INIP: variants seen among roughly 807,000 people sequenced by gnomAD.
INIP encodes the protein INTS3 and NABP interacting protein.
INIP carries 9 observed loss-of-function variants against 14.0 expected under a neutral mutation model. The ratio of observed to expected loss-of-function variants is 0.64; its 90% confidence interval spans 0.39 to 1.12. The LOEUF (loss-of-function observed/expected upper bound fraction) is 1.12, where lower values mean the gene tolerates loss of function less well. Ranked by LOEUF, INIP falls within the 50% of genes most tolerant of loss-of-function variation. The pLI is 0.01. For missense variants in INIP, 78 were observed against 122.7 expected (o/e 0.64, Z 1.72); for synonymous variants, 37 against 41.5 (o/e 0.89, Z 0.41).
intron 3 of INIP, among the ~76,000 whole-genome samples, chr9:112,692,373 C>T (rs1837921482): frequency 6.6e-6 from 1 of 152,178 alleles, no homozygotes; most frequent in Non-Finnish European, 1.5e-5. Flanking sequence ...CAGCCCCAAC[C>T]TCCCAGGCTC....
At chr9:112,717,138 C>G (rs1588093092) in intron 1 of INIP, among the ~76,000 whole-genome samples, 1 of 152,032 alleles carries the variant, frequency 6.6e-6, no homozygotes, top group South Asian at 2.1e-4. Flanking sequence ...GTTGTATTTA[C>G]CAAATATATC....
At chr9:112,711,220 T>A (rs1838640122) in intron 2 of INIP, among the ~76,000 whole-genome samples, 1 of 152,034 alleles carries the variant, frequency 6.6e-6, no homozygotes, top group African/African-American at 2.4e-5. Context: ...TAGATCTGAA[T>A]AAATAAGAAT....
intron 2 of INIP, among the ~76,000 whole-genome samples, chr9:112,698,087 G>A (rs1588078573): frequency 1.3e-5 from 2 of 151,994 alleles, no homozygotes; most frequent in Non-Finnish European, 2.9e-5. Flanking sequence ...GGTGGCTCAT[G>A]AGGTCAGGAG....
At chr9:112,689,467 G>T in intron 4 of INIP, 60 bp downstream of exon 4, 1 of 1,270,054 alleles carries the variant, frequency 7.9e-7, no homozygotes, top group Non-Finnish European at 1.1e-6. Context: ...ATAACTATGT[G>T]CCGGCTTCTG....
At chr9:112,715,131 C>CAT (rs751258244) in intron 2 of INIP, among the ~76,000 whole-genome samples, 1 of 110,044 alleles carries the variant, frequency 9.1e-6, no homozygotes, top group Non-Finnish European at 1.8e-5. Context: ...TACATACATA[C>CAT]ATACACACAC....
chr9:112,687,948 T>C (rs1358961534), intron 4 of INIP, among the ~76,000 whole-genome samples: 4 of 151,938 alleles, frequency 2.6e-5, no homozygotes, highest in South Asian at 2.1e-4. Flanking sequence ...TAGCCAGGCG[T>C]GGTGGCGGGT....
chr9:112,707,093 C>A (rs1838497724), intron 2 of INIP, among the ~76,000 whole-genome samples: 1 of 151,954 alleles, frequency 6.6e-6, no homozygotes, highest in Non-Finnish European at 1.5e-5. Flanking sequence ...GCATTAGCCA[C>A]CATGCCTGGC....
In INIP at chr9:112,684,121, A is replaced by G. The variant is rs1837573522; in HGVS notation, c.*3417T>C. On this transcript the variant is annotated 3_prime_UTR_variant, in exon 5 of 5. Transcript: ENST00000374242. ...TGAACACCTACTATATGCCAAATATATTTTATGTGGAATACAGTAGTGAAC... is the reference window on the plus strand; with the variant it reads ...TGAACACCTACTATATGCCAAATATGTTTTATGTGGAATACAGTAGTGAAC... 1 of 152,224 alleles carries G rather than the reference A, an allele frequency of 6.6e-6. No homozygotes were observed. The highest frequency in any genetic ancestry group is 1.5e-5 in the Non-Finnish European group (1 of 68,046). The allele number at this position is 152,224 out of a possible 1,614,324, so 9.4% of individuals were successfully genotyped here.
intron 2 of INIP, among the ~76,000 whole-genome samples, chr9:112,712,646 A>G (rs1838683103): frequency 1.3e-5 from 2 of 152,242 alleles, no homozygotes; most frequent in Admixed American, 1.3e-4. Flanking sequence ...GAAAAGGACC[A>G]AGTGGAAATT....
In INIP at chr9:112,710,003, T is replaced by C. The variant is rs140582746; in HGVS notation, c.25+6458A>G. On this transcript the variant is annotated intron_variant, in intron 2 of 4. Coordinates refer to ENST00000374242, the MANE Select transcript of INIP (RefSeq NM_021218.3). ...TTGTGTCTTTGCATACAAACTCTCATCTTTAAAAAGGTACAAATAGAAGAA... is the reference window on the plus strand; with the variant it reads ...TTGTGTCTTTGCATACAAACTCTCACCTTTAAAAAGGTACAAATAGAAGAA... 1.6e-3 allele frequency among the ~76,000 whole-genome samples: 243 copies of C among 152,358 alleles called. 6 individuals are homozygous for C. In the East Asian group the frequency reaches 0.043, roughly 27 times the overall value.
At chr9:112,715,125 TACATACATACAC>T (rs1256451966) in intron 2 of INIP, among the ~76,000 whole-genome samples, 21 of 106,414 alleles carry the variant, frequency 2.0e-4, no homozygotes, top group African/African-American at 7.6e-4. Flanking sequence ...CACACATACA[TACATACATACAC>T]ACACACACAC....
At chr9:112,690,216 C>T (rs746608862) in intron 3 of INIP, among the ~76,000 whole-genome samples, 14 of 152,098 alleles carry the variant, frequency 9.2e-5, no homozygotes, top group Non-Finnish European at 1.9e-4. Context: ...CTTGGCCAGG[C>T]GTGGTGGCTC....
intron 2 of INIP, chr9:112,701,933 G>C (rs1838312822): frequency 6.6e-6 from 1 of 152,012 alleles, no homozygotes; most frequent in African/African-American, 2.4e-5. Flanking sequence ...GATGGTGTGT[G>C]CCTACAGTCC....
intron 2 of INIP, among the ~76,000 whole-genome samples, chr9:112,696,662 A>G (rs766282547): frequency 6.6e-6 from 1 of 152,196 alleles, no homozygotes; most frequent in Non-Finnish European, 1.5e-5. Context: ...GTTGTCACCT[A>G]TGCCTCTGAC....
intron 2 of INIP, among the ~76,000 whole-genome samples, chr9:112,713,835 T>G (rs1279319495): frequency 6.6e-6 from 1 of 151,806 alleles, no homozygotes; most frequent in African/African-American, 2.4e-5. Context: ...TACAAAAAAA[T>G]TAGCCAGGCG....
chr9:112,703,947 A>G (rs1469736935), intron 2 of INIP, among the ~76,000 whole-genome samples: 1 of 152,332 alleles, frequency 6.6e-6, no homozygotes, highest in African/African-American at 2.4e-5. Flanking sequence ...AGTTGTAAAA[A>G]AGGGTGAAAA....
chr9:112,705,995 T>C (rs1838454118), intron 2 of INIP, among the ~76,000 whole-genome samples: 1 of 152,122 alleles, frequency 6.6e-6, no homozygotes, highest in Non-Finnish European at 1.5e-5. Flanking sequence ...TAAGAGAGAA[T>C]AGATTACAGG....
intron 2 of INIP, among the ~76,000 whole-genome samples, chr9:112,712,986 C>G (rs557294091): frequency 2.0e-5 from 3 of 152,224 alleles, no homozygotes; most frequent in Admixed American, 2.0e-4. Flanking sequence ...ACATTACATA[C>G]AGGATAAGAA....
intron 2 of INIP, among the ~76,000 whole-genome samples, chr9:112,708,568 G>C (rs1838554001): frequency 6.6e-6 from 1 of 152,154 alleles, no homozygotes; most frequent in African/African-American, 2.4e-5. Flanking sequence ...ATATGCATTA[G>C]TTTTCTATGG....
Sources: gnomAD v4.1 joint callset for allele counts (sites outside exome capture counted in the v4.1 genomes callset) on GRCh38, gnomAD v4.1.1 for gene constraint, MANE v1.5 for transcripts, NCBI Gene and HGNC (gene_info 2026-07-23, HGNC 2026-07-21) for gene names.